Variants in ARK2C observed in about 807,000 individuals in gnomAD.
ARK2C encodes arkadia (RNF111) C-terminal like ring finger ubiquitin ligase 2C, also known as E3 ubiquitin-protein ligase ARK2C.
the ARK2C span, among the ~76,000 whole-genome samples, chr18:46,414,926 A>G: frequency 6.6e-6 from 1 of 152,142 alleles, no homozygotes; most frequent in Non-Finnish European, 1.5e-5. Context: ...GGGCTGCAGG[A>G]GGATGTGTGA....
chr18:46,334,401 G>A, the ARK2C span: 4 of 1,430,124 alleles, frequency 2.8e-6, no homozygotes, highest in East Asian at 2.6e-5. This position sits in a 1 kb window ranked among gnomAD's most constrained non-coding sequence, Gnocchi z 4.4. Flanking sequence ...GGGCGGGGGC[G>A]GGCGCCGCGG....
At chr18:46,388,480 G>A in the ARK2C span, among the ~76,000 whole-genome samples, 4 of 152,198 alleles carry the variant, frequency 2.6e-5, no homozygotes, top group African/African-American at 7.2e-5. Context: ...GGACCTGCAC[G>A]TTTAGCAGGA....
chr18:46,436,544 T>C, the ARK2C span, among the ~76,000 whole-genome samples: 2 of 152,212 alleles, frequency 1.3e-5, no homozygotes, highest in African/African-American at 2.4e-5. Context: ...TTTCAGCCAC[T>C]TGTCAGGCTT....
chr18:46,363,487 C>T, the ARK2C span, among the ~76,000 whole-genome samples: 3 of 152,234 alleles, frequency 2.0e-5, no homozygotes, highest in Admixed American at 6.5e-5. Context: ...GGCCTCAGGG[C>T]TCTTTCACTT....
chr18:46,364,134 A>C, the ARK2C span, among the ~76,000 whole-genome samples: 1,822 of 149,602 alleles, frequency 0.012, 38 homozygotes, highest in African/African-American at 0.042. Context: ...TTTTAATAGA[A>C]CTGGGATTTC....
the ARK2C span, among the ~76,000 whole-genome samples, chr18:46,347,170 T>G: frequency 6.6e-6 from 1 of 152,030 alleles, no homozygotes; most frequent in Admixed American, 6.6e-5. Context: ...CCTTGGGGAG[T>G]GATCGGGTCA....
At chr18:46,369,606 C>T in the ARK2C span, among the ~76,000 whole-genome samples, 1 of 152,160 alleles carries the variant, frequency 6.6e-6, no homozygotes. Context: ...CACAATGTAG[C>T]CAGAAAACTT....
At chr18:46,431,288 G>A in the ARK2C span, among the ~76,000 whole-genome samples, 7 of 152,084 alleles carry the variant, frequency 4.6e-5, no homozygotes, top group African/African-American at 1.4e-4. Flanking sequence ...TCAAACGACC[G>A]ATCACTCTTA....
chr18:46,348,842 T>G, the ARK2C span, among the ~76,000 whole-genome samples: 2 of 152,126 alleles, frequency 1.3e-5, no homozygotes, highest in Admixed American at 6.5e-5. Context: ...AGCCCTTTGG[T>G]TTTGCTTTAG....
chr18:46,456,291 G>A, the ARK2C span, among the ~76,000 whole-genome samples: 1 of 152,206 alleles, frequency 6.6e-6, no homozygotes, highest in Non-Finnish European at 1.5e-5. Flanking sequence ...GATGAAAAGT[G>A]TAGGAGAACA....
the ARK2C span, among the ~76,000 whole-genome samples, chr18:46,383,560 T>TG: frequency 2.2e-4 from 32 of 145,610 alleles, no homozygotes; most frequent in Admixed American, 6.8e-4. Context: ...GTTTTTTTTT[T>TG]TTTTTTTTTT....
At chr18:46,441,149 C>A in the ARK2C span, among the ~76,000 whole-genome samples, 1 of 152,084 alleles carries the variant, frequency 6.6e-6, no homozygotes, top group Non-Finnish European at 1.5e-5. Flanking sequence ...CTGTGCCCAG[C>A]TAACTTTTTG....
the ARK2C span, among the ~76,000 whole-genome samples, chr18:46,359,475 G>T: frequency 1.3e-5 from 2 of 152,140 alleles, no homozygotes; most frequent in African/African-American, 4.8e-5. Context: ...AGCAGAGGGA[G>T]TAGCATCTTA....
At chr18:46,369,867 G>A in the ARK2C span, among the ~76,000 whole-genome samples, 53 of 152,330 alleles carry the variant, frequency 3.5e-4, no homozygotes, top group African/African-American at 1.2e-3. Flanking sequence ...GGTAGAGCCC[G>A]GGGCCCGTTG....
chr18:46,344,031 C>T, the ARK2C span, among the ~76,000 whole-genome samples: 423 of 152,278 alleles, frequency 2.8e-3, no homozygotes, highest in Non-Finnish European at 3.6e-3. Context: ...CTGGGTGTGC[C>T]GCTGTGTGCA....
At chr18:46,444,206 G>A in the ARK2C span, among the ~76,000 whole-genome samples, 1 of 151,908 alleles carries the variant, frequency 6.6e-6, no homozygotes, top group East Asian at 1.9e-4. Flanking sequence ...TATTTTTCAG[G>A]AATTAGATTA....
chr18:46,454,941 G>A, the ARK2C span, among the ~76,000 whole-genome samples: 1 of 152,182 alleles, frequency 6.6e-6, no homozygotes, highest in Non-Finnish European at 1.5e-5. Context: ...TTAAAGAAGG[G>A]TAAGTCATGA....
chr18:46,350,819 G>A, the ARK2C span, among the ~76,000 whole-genome samples: 2 of 152,290 alleles, frequency 1.3e-5, no homozygotes, highest in Non-Finnish European at 1.5e-5. Context: ...TCTTATTTAC[G>A]GCCAATATTA....
At chr18:46,414,695 C>T in the ARK2C span, among the ~76,000 whole-genome samples, 8 of 152,298 alleles carry the variant, frequency 5.3e-5, no homozygotes, top group African/African-American at 1.7e-4. Flanking sequence ...GACACATGCA[C>T]ATACACACAG....
Sources: allele counts gnomAD v4.1 joint callset (sites outside exome capture counted in the v4.1 genomes callset), GRCh38; gene constraint gnomAD v4.1.1; non-coding constraint Gnocchi (gnomAD v3.1); transcripts MANE v1.5; gene names NCBI Gene and HGNC (gene_info 2026-07-23, HGNC 2026-07-21).